Variants in SLIT3 observed in about 807,000 individuals in gnomAD.
SLIT3 encodes slit homolog 3 protein.
SLIT3 carries 68 observed loss-of-function variants against 184.0 expected under a neutral mutation model. The observed-to-expected ratio is 0.37, with a 90% CI of 0.30 to 0.45. The LOEUF (loss-of-function observed/expected upper bound fraction) is 0.45. Ranked by LOEUF, SLIT3 falls within the 20% of genes least tolerant of loss-of-function variation. SLIT3 has a pLI of 1.00. For missense variants in SLIT3, 1,707 were observed against 2,026.0 expected (o/e 0.84, Z 3.02); for synonymous variants, 831 against 828.6 (o/e 1.00, Z -0.05).
intron 4 of SLIT3, among the ~76,000 whole-genome samples, chr5:169,079,820 G>A (rs1581385180): frequency 5.1e-5 from 1 of 19,542 alleles, no homozygotes; most frequent in East Asian, 1.2e-3. Context: ...GGGAAGAGGA[G>A]GAGGGAGGAG....
chr5:169,213,987 G>A (rs1764354101), intron 3 of SLIT3, among the ~76,000 whole-genome samples: 1 of 152,192 alleles, frequency 6.6e-6, no homozygotes, highest in African/African-American at 2.4e-5. Context: ...CAAGTTCAAA[G>A]AGACAGCAGG....
chr5:169,046,384 T>C (rs185185902), intron 4 of SLIT3, among the ~76,000 whole-genome samples: 90 of 152,328 alleles, frequency 5.9e-4, no homozygotes, highest in Admixed American at 3.7e-3. Flanking sequence ...CAGAATCAGA[T>C]ACACTGCAGA....
At chr5:168,671,109 C>G (rs1217550336) in intron 34 of SLIT3, 89 bp downstream of exon 34, 2 of 1,424,582 alleles carry the variant, frequency 1.4e-6, no homozygotes, top group Non-Finnish European at 1.9e-6. Context: ...ACTCCTCCAG[C>G]CTCCAGTAGT....
chr5:169,217,125 T>C (rs1340037413), intron 3 of SLIT3, among the ~76,000 whole-genome samples: 1 of 93,424 alleles, frequency 1.1e-5, no homozygotes, highest in Non-Finnish European at 2.0e-5. Flanking sequence ...AGACCTTGAG[T>C]AGGTTAAAAA....
intron 4 of SLIT3, among the ~76,000 whole-genome samples, chr5:168,966,878 T>C (rs923656767): frequency 6.6e-6 from 1 of 152,188 alleles, no homozygotes; most frequent in Non-Finnish European, 1.5e-5. Flanking sequence ...AAACCGGTAA[T>C]GTCTTTCAGT....
At chr5:168,714,536 T>C (rs1209884182) in intron 23 of SLIT3, among the ~76,000 whole-genome samples, 1 of 152,104 alleles carries the variant, frequency 6.6e-6, no homozygotes, top group East Asian at 1.9e-4. Flanking sequence ...TGAGCCAAGA[T>C]TGTGCCATTG....
At chr5:169,225,706 G>T (rs1402838785) in intron 3 of SLIT3, among the ~76,000 whole-genome samples, 1 of 152,184 alleles carries the variant, frequency 6.6e-6, no homozygotes, top group African/African-American at 2.4e-5. Flanking sequence ...CCACAAAAGA[G>T]AAGACAGGGG....
chr5:168,694,223 C>T (rs1466114714), intron 28 of SLIT3, among the ~76,000 whole-genome samples: 1 of 152,122 alleles, frequency 6.6e-6, no homozygotes, highest in Non-Finnish European at 1.5e-5. Context: ...GCCCATCTGC[C>T]TGCTCTAAAT....
intron 4 of SLIT3, among the ~76,000 whole-genome samples, chr5:169,117,829 A>G (rs1760737851): frequency 6.6e-6 from 1 of 152,248 alleles, no homozygotes; most frequent in Non-Finnish European, 1.5e-5. Context: ...TAGATTGAAG[A>G]AATTTGAAAA....
intron 4 of SLIT3, among the ~76,000 whole-genome samples, chr5:168,918,017 T>C (rs1171219992): frequency 2.0e-5 from 3 of 152,234 alleles, no homozygotes; most frequent in Non-Finnish European, 4.4e-5. Context: ...TACAAAGGGC[T>C]AAAGTCACCT....
intron 4 of SLIT3, among the ~76,000 whole-genome samples, chr5:168,948,157 A>T (rs1762545598): frequency 6.6e-6 from 1 of 152,112 alleles, no homozygotes; most frequent in Admixed American, 6.5e-5. Flanking sequence ...ACTGTGTGCC[A>T]CACTTTCCCT....
At chr5:168,887,736 C>G (rs942325996) in intron 4 of SLIT3, among the ~76,000 whole-genome samples, 1 of 152,268 alleles carries the variant, frequency 6.6e-6, no homozygotes, top group Non-Finnish European at 1.5e-5. Context: ...TAGACTACAG[C>G]TTGTAGTGCT....
chr5:169,122,704 C>G (rs1204705132), intron 4 of SLIT3, among the ~76,000 whole-genome samples: 1 of 152,168 alleles, frequency 6.6e-6, no homozygotes. Flanking sequence ...CAATGAAGCT[C>G]CCTGCATTCT....
intron 8 of SLIT3, among the ~76,000 whole-genome samples, chr5:168,813,284 AC>A (rs1757223641): frequency 2.0e-5 from 3 of 150,688 alleles, no homozygotes; most frequent in African/African-American, 7.3e-5. Flanking sequence ...TAAAATTTAA[AC>A]CCCCAAATAA....
intron 4 of SLIT3, among the ~76,000 whole-genome samples, chr5:169,184,367 G>A (rs1243665824): frequency 6.6e-6 from 1 of 152,232 alleles, no homozygotes; most frequent in Non-Finnish European, 1.5e-5. Flanking sequence ...TCTGGTGAGT[G>A]AGTGAAACTC....
chr5:169,107,526 T>C (rs1170158145), intron 4 of SLIT3, among the ~76,000 whole-genome samples: 1 of 152,252 alleles, frequency 6.6e-6, no homozygotes. Context: ...GTTAGATTTC[T>C]GCGTGGTGAT....
chr5:168,915,418 A>C (rs1430626851), intron 4 of SLIT3, among the ~76,000 whole-genome samples: 1 of 152,134 alleles, frequency 6.6e-6, no homozygotes, highest in Non-Finnish European at 1.5e-5. Flanking sequence ...GACAACAGTG[A>C]ACCAATCGAG....
At chr5:169,091,192 C>T (rs189043580) in intron 4 of SLIT3, among the ~76,000 whole-genome samples, 56 of 152,204 alleles carry the variant, frequency 3.7e-4, no homozygotes, top group African/African-American at 1.3e-3. Context: ...TCATATTGCC[C>T]AAATGAAGAA....
chr5:168,831,244 G>T (rs1757869684), intron 6 of SLIT3, among the ~76,000 whole-genome samples: 1 of 151,010 alleles, frequency 6.6e-6, no homozygotes, highest in Admixed American at 6.6e-5. Flanking sequence ...TCTTTTGCTT[G>T]TTTGGAGTGG....
Sources: gnomAD v4.1 joint callset for allele counts (sites outside exome capture counted in the v4.1 genomes callset) on GRCh38, gnomAD v4.1.1 for gene constraint, MANE v1.5 for transcripts, NCBI Gene and HGNC (gene_info 2026-07-23, HGNC 2026-07-21) for gene names.